The following GFY variants were observed in gnomAD, a reference collection of about 807,000 sequenced individuals.
GFY encodes Golgi-associated olfactory signaling regulator.
Under a neutral mutation model 29.1 loss-of-function variants are expected in GFY, and 28 were observed. The observed-to-expected ratio is 0.96, with a 90% CI of 0.71 to 1.32. GFY has a LOEUF of 1.32. Among genes scored for constraint, GFY ranks in the 40% most tolerant of loss-of-function variants. The pLI, the probability that GFY is intolerant of heterozygous loss-of-function variation, is 0.00. For synonymous variants in GFY, 277 were observed against 274.5 expected (o/e 1.01, Z -0.09); for missense variants, 656 against 661.9 (o/e 0.99, Z 0.10).
In GFY at chr19:49,426,874, A is replaced by G. The variant is rs1460156028; in HGVS notation, c.444A>G (p.Gly148=). 2.0e-6 allele frequency: 3 copies of G among 1,535,698 alleles called. No individual in the cohort carries two copies. The highest frequency in any genetic ancestry group is 2.6e-6 in the Non-Finnish European group (3 of 1,146,848). ...GCCCAACTGAAATGCCACACCCAGG[A>G]TCCCCTGAGACCCCCAAACCTAACT... ...TPGPTEMPHP[G]SPETPKPNFS... Residue 148 remains glycine, a synonymous_variant, in exon 2 of 4, where the codon GGA becomes GGG. Transcript: ENST00000610896.
chr19:49,426,885 C>G lies in GFY; in HGVS notation c.455C>G (p.Thr152Ser). ...ATGCCACACCCAGGATCCCCTGAGA[C>G]CCCCAAACCTAACTTCTCCAAAACT... is the stretch of plus-strand genomic sequence containing the variant. ...TEMPHPGSPE[T>S]PKPNFSKTSR... is the part of the protein sequence containing the mutation. The change falls in exon 2 of 4, where the codon ACC becomes AGC. Residue 152 changes from threonine to serine, a missense_variant. Thr to Ser is a moderately conservative substitution (Grantham distance 58). Transcript: ENST00000610896. The G allele has an allele frequency of 6.5e-7, 1 of 1,535,974 alleles. No individual in the cohort carries two copies. Among genetic ancestry groups the G allele is most frequent in the Non-Finnish European group, 8.7e-7 (1 of 1,146,838 alleles).
intron 3 of GFY, 53 bp downstream of exon 3, chr19:49,428,172 C>G: frequency 6.6e-7 from 1 of 1,504,172 alleles, no homozygotes; most frequent in Non-Finnish European, 8.9e-7. Context: ...TGGTCTCTCC[C>G]GGCACTACAG....
intron 1 of GFY, among the ~76,000 whole-genome samples, chr19:49,425,833 G>A (rs1180236746): frequency 6.6e-6 from 1 of 152,036 alleles, no homozygotes; most frequent in Non-Finnish European, 1.5e-5. Context: ...CTAGGCACCT[G>A]AACTTCCAGC....
chr19:49,427,801 G>T, intron 2 of GFY, 145 bp from the exon 3 acceptor site: 1 of 1,137,172 alleles, frequency 8.8e-7, no homozygotes, highest in Non-Finnish European at 1.2e-6. Flanking sequence ...GGGAGGACCG[G>T]CTGGGGTCTG....
chr19:49,425,178 G>C, upstream of GFY, among the ~76,000 whole-genome samples: 1 of 151,950 alleles, frequency 6.6e-6, no homozygotes, highest in African/African-American at 2.4e-5. Flanking sequence ...TAGACCCCTG[G>C]GTTTTCAGGT....
Position 49,427,052 on chromosome 19 carries a change from A to C in GFY, c.622A>C (p.Thr208Pro). ...PETSNTNPTK[T>P]PDPKSPEKHD... Reference sequence around the variant, plus strand: ...GACCTCAAACACTAACCCTACCAAGACCCCTGACCCCAAATCCCCAGAAAA... The same window carrying C: ...GACCTCAAACACTAACCCTACCAAGCCCCCTGACCCCAAATCCCCAGAAAA... Residue 208 changes from threonine (T) to proline (P), a missense_variant, in exon 2 of 4, where the codon ACC becomes CCC. Thr to Pro is a conservative substitution (Grantham distance 38, BLOSUM62 -1). Transcript: ENST00000610896. 1 of 1,535,180 alleles carries C rather than the reference A, an allele frequency of 6.5e-7. No homozygotes were observed. The highest frequency in any genetic ancestry group is 8.7e-7 in the Non-Finnish European group (1 of 1,146,632).
rs1191326423 is a variant in GFY, at chr19:49,427,056, CT to C, written c.627del (p.Asp210ThrfsTer38). 2.6e-6 allele frequency: 4 copies of C among 1,535,686 alleles called. No homozygotes were observed. Among genetic ancestry groups the C allele is most frequent in the East Asian group, 2.4e-5 (1 of 40,918 alleles). On this transcript the variant is annotated frameshift_variant, in exon 2 of 4. Transcript: ENST00000610896. LOFTEE classifies it high-confidence loss of function. ...ETSNTNPTKT[P>X]DPKSPEKHDL... ...TCAAACACTAACCCTACCAAGACCC[CT>C]GACCCCAAATCCCCAGAAAAGCATG...
upstream of GFY, among the ~76,000 whole-genome samples, chr19:49,424,250 TTGTC>T (rs527353830): frequency 1.4e-3 from 209 of 152,164 alleles, 1 homozygote; most frequent in Non-Finnish European, 2.5e-3. Flanking sequence ...GTGTGTGTGT[TTGTC>T]TGTTTGAGAT....
At position 49,426,552 on chromosome 19, in the gene GFY, A is replaced by G; in HGVS notation, c.122A>G (p.Glu41Gly). 2.0e-6 allele frequency: 3 copies of G among 1,535,994 alleles called. No individual in the cohort carries two copies. Among genetic ancestry groups the G allele is most frequent in the Non-Finnish European group, 2.6e-6 (3 of 1,146,858 alleles). ...CGFPDMAHPS[E>G]TSPLKGASEN... Reference sequence around the variant, plus strand: ...TTTCCGGACATGGCCCACCCCTCTGAGACTTCCCCTCTGAAGGGTGCTTCT... The same window carrying G: ...TTTCCGGACATGGCCCACCCCTCTGGGACTTCCCCTCTGAAGGGTGCTTCT... Residue 41 changes from glutamate (E) to glycine (G), a missense_variant, in exon 2 of 4, where the codon GAG (glutamate) becomes GGG (glycine). Glu to Gly is a moderately conservative substitution (Grantham distance 98). Coordinates refer to ENST00000610896, the MANE Select transcript of GFY (RefSeq NM_001195256.2).
Position 49,427,227 on chromosome 19 carries a change from A to G in GFY, c.797A>G (p.Tyr266Cys). 1 of 1,535,868 alleles carries G rather than the reference A, an allele frequency of 6.5e-7. No individual in the cohort carries two copies. The highest frequency in any genetic ancestry group is 8.7e-7 in the Non-Finnish European group (1 of 1,146,856). ...ISQTEFPTTY[Y>C]QNATDVPRTS... ...CAAACAGAATTCCCCACAACCTACT[A>G]CCAAAATGCAACAGATGTACCCAGG... Residue 266 changes from tyrosine to cysteine, a missense_variant, in exon 2 of 4, where the codon TAC becomes TGC. Coordinates refer to ENST00000610896, the MANE Select transcript of GFY (RefSeq NM_001195256.2).
chr19:49,425,939 G>A (rs1295034794), intron 1 of GFY, among the ~76,000 whole-genome samples: 1 of 152,064 alleles, frequency 6.6e-6, no homozygotes, highest in African/African-American at 2.4e-5. Context: ...TTAACCCAGA[G>A]CCCAAATGTC....
chr19:49,424,410 T>A (rs1975052195), upstream of GFY, among the ~76,000 whole-genome samples: 1 of 152,022 alleles, frequency 6.6e-6, no homozygotes, highest in African/African-American at 2.4e-5. Context: ...GCCCAGCTAA[T>A]TTTTGTATTT....
chr19:49,424,888 T>C (rs995546853), upstream of GFY, among the ~76,000 whole-genome samples: 7 of 150,360 alleles, frequency 4.7e-5, no homozygotes, highest in African/African-American at 1.5e-4. Context: ...GAGGAGAAGA[T>C]GGGCAAAACT....
chr19:49,426,317 C>T (rs1600977073), intron 1 of GFY, 93 bp from the exon 2 acceptor site: 8 of 1,438,872 alleles, frequency 5.6e-6, no homozygotes, highest in Non-Finnish European at 7.3e-6. Flanking sequence ...CAGACGTGGT[C>T]CACCTGTGTT....
At position 49,428,127 on chromosome 19, in the gene GFY, C is replaced by T; in HGVS notation, c.1357+8C>T. The stretch of plus-strand genomic sequence containing the variant: ...ACGACGGAGATGAACCGGGTGAGCG[C>T]CCTGCCCCTTGAATGCCTGCACTTT... On this transcript the variant is annotated splice_region_variant and intron_variant, in intron 3 of 3. Transcript: ENST00000610896. 1 of 1,527,540 alleles carries T rather than the reference C, an allele frequency of 6.5e-7. No homozygotes were observed. The highest frequency in any genetic ancestry group is 8.8e-7 in the Non-Finnish European group (1 of 1,139,676). 94.6% of individuals were successfully genotyped at this position (1,527,540 alleles called of 1,614,324 possible).
chr19:49,427,495 C>G lies in GFY; in HGVS notation c.1065C>G (p.Pro355=), dbSNP rs1975089500. The G allele has an allele frequency of 6.5e-7, 1 of 1,534,034 alleles. No homozygotes were observed. Among genetic ancestry groups the G allele is most frequent in the Admixed American group, 2.0e-5 (1 of 50,882 alleles). Residue 355 remains proline (P), a synonymous_variant, in exon 2 of 4, where the codon CCC becomes CCG. Coordinates refer to ENST00000610896, the MANE Select transcript of GFY (RefSeq NM_001195256.2). ...CTCCCTCAGCCCGGATTGCAGGTCC[C>G]CCTGCTCTTCCAGGGCGCCCCAGTC... The part of the protein sequence containing the change: ...VPPPSARIAG[P]PALPGRPSQL...
chr19:49,424,418 T>C (rs902575765), upstream of GFY, among the ~76,000 whole-genome samples: 1 of 152,172 alleles, frequency 6.6e-6, no homozygotes, highest in Non-Finnish European at 1.5e-5. Flanking sequence ...AATTTTTGTA[T>C]TTTTAGTAGA....
At chr19:49,426,123 G>C (rs574682732) in intron 1 of GFY, among the ~76,000 whole-genome samples, 3 of 152,372 alleles carry the variant, frequency 2.0e-5, no homozygotes, top group African/African-American at 7.2e-5. Flanking sequence ...GAGGCCTGGA[G>C]AAGTGTCGTT....
chr19:49,427,030 C>T lies in GFY; in HGVS notation c.600C>T (p.Thr200=). Residue 200 remains threonine, a synonymous_variant, in exon 2 of 4, where the codon ACC becomes ACT. Coordinates refer to ENST00000610896, the MANE Select transcript of GFY (RefSeq NM_001195256.2). ...TEVSQAELPE[T]SNTNPTKTPD... ...TCTCACAGGCAGAACTCCCCGAGACCTCAAACACTAACCCTACCAAGACCC... is the reference window on the plus strand; with the variant it reads ...TCTCACAGGCAGAACTCCCCGAGACTTCAAACACTAACCCTACCAAGACCC... 1 of 1,535,764 alleles carries T rather than the reference C, an allele frequency of 6.5e-7. No individual in the cohort carries two copies. The highest frequency in any genetic ancestry group is 8.7e-7 in the Non-Finnish European group (1 of 1,146,786).
Sources: allele counts gnomAD v4.1 joint callset (sites outside exome capture counted in the v4.1 genomes callset), GRCh38; gene constraint gnomAD v4.1.1; transcripts MANE v1.5; gene names NCBI Gene and HGNC (gene_info 2026-07-23, HGNC 2026-07-21).